Variants in FN3KRP observed in about 807,000 individuals in gnomAD.
FN3KRP encodes the protein fructosamine 3 kinase related protein.
Under a neutral mutation model 29.8 loss-of-function variants are expected in FN3KRP, and 33 were observed. The ratio of observed to expected loss-of-function variants is 1.11; its 90% confidence interval spans 0.84 to 1.48. FN3KRP has a LOEUF of 1.48. Among genes scored for constraint, FN3KRP ranks in the 40% most tolerant of loss-of-function variants. FN3KRP has a pLI of 0.00. For missense variants in FN3KRP, 430 were observed against 402.6 expected (o/e 1.07, Z -0.58); for synonymous variants, 157 against 155.2 (o/e 1.01, Z -0.09).
At chr17:82,721,024 G>A (rs1403910439) in intron 3 of FN3KRP, 1 of 152,266 alleles carries the variant, frequency 6.6e-6, no homozygotes, top group African/African-American at 2.4e-5. Context: ...AGTCTTAACG[G>A]AGTTTAGTCC....
chr17:82,726,004 C>G (rs1460601730), intron 4 of FN3KRP, among the ~76,000 whole-genome samples: 3 of 152,070 alleles, frequency 2.0e-5, no homozygotes, highest in Admixed American at 6.5e-5. Flanking sequence ...ATGGCGAAAC[C>G]CCGTCTCTAC....
rs370920900 is a variant in FN3KRP, at chr17:82,720,385, G to A, written c.385+22G>A. 828 of 1,590,776 alleles carry A rather than the reference G, an allele frequency of 5.2e-4. 11 individuals carry two copies. In the South Asian group the frequency reaches 8.2e-3, roughly 16 times the overall value. ...GTGGGTATGGCACTGCGCGGGCCAC[G>A]GGTGCTCCCGCCTAGAGGAGGACGT... On this transcript the variant is annotated intron_variant, in intron 3 of 5. Transcript: ENST00000269373.
Position 82,719,048 on chromosome 17 carries a change from A to T in FN3KRP, c.284A>T (p.His95Leu), listed in dbSNP as rs1383917340. The change falls in exon 2 of 6, where the codon CAT becomes CTT. Residue 95 changes from histidine to leucine, a missense_variant. Coordinates refer to ENST00000269373, the MANE Select transcript of FN3KRP (RefSeq NM_024619.4). ...GTGATGGAGCACATGGACATGAGGC[A>T]TCTGAGCAGGTGCATCTTCACACCA... ...VLVMEHMDMR[H>L]LSSHAAKLGA... 1 of 1,608,182 alleles carries T rather than the reference A, an allele frequency of 6.2e-7. No homozygotes were observed. The highest frequency in any genetic ancestry group is 1.4e-5 in the African/African-American group (1 of 73,380).
intron 1 of FN3KRP, among the ~76,000 whole-genome samples, chr17:82,718,237 A>G (rs979774086): frequency 3.2e-4 from 45 of 142,628 alleles, no homozygotes; most frequent in Middle Eastern, 4.2e-3. Flanking sequence ...ATGGGAGAGC[A>G]GGCAGGGCAG....
intron 1 of FN3KRP, among the ~76,000 whole-genome samples, chr17:82,718,243 G>T (rs2046773230): frequency 6.6e-6 from 1 of 152,048 alleles, no homozygotes; most frequent in Non-Finnish European, 1.5e-5. Flanking sequence ...GAGCAGGCAG[G>T]GCAGTGGTGT....
intron 3 of FN3KRP, 66 bp downstream of exon 3, chr17:82,720,429 G>C: frequency 5.2e-6 from 7 of 1,337,184 alleles, no homozygotes; most frequent in Non-Finnish European, 6.3e-6. Flanking sequence ...TGTGGGCTCA[G>C]AGCGGGGGCC....
chr17:82,719,174 G>A, intron 2 of FN3KRP, 117 bp downstream of exon 2: 1 of 1,002,210 alleles, frequency 1.0e-6, no homozygotes, highest in Admixed American at 2.4e-5. Flanking sequence ...TATCTGAGCA[G>A]GTGTGTGTTC....
chr17:82,723,496 AGTGT>A (rs34352703), intron 4 of FN3KRP, among the ~76,000 whole-genome samples: 2,428 of 151,758 alleles, frequency 0.016, 63 homozygotes, highest in African/African-American at 0.055. Context: ...CTGTACTCAC[AGTGT>A]GTGTGTGCAT....
At chr17:82,723,984 C>CAA (rs35203608) in intron 4 of FN3KRP, among the ~76,000 whole-genome samples, 12 of 149,644 alleles carry the variant, frequency 8.0e-5, no homozygotes, top group East Asian at 2.0e-4. Context: ...GCTTTAGCAG[C>CAA]AAAAAAAAAA....
chr17:82,719,449 A>G (rs2046783241), intron 2 of FN3KRP, among the ~76,000 whole-genome samples: 1 of 152,370 alleles, frequency 6.6e-6, no homozygotes, highest in Admixed American at 6.5e-5. Context: ...CCAAAGTGAG[A>G]TGCTGACCAA....
rs149116457 is a variant in FN3KRP, at chr17:82,726,520, G to C, written c.509G>C (p.Arg170Pro). Residue 170 changes from arginine (R) to proline (P), a missense_variant, in exon 5 of 6, where the codon CGG becomes CCG. By Grantham distance (103) the Arg-to-Pro change is moderately radical. Transcript: ENST00000269373. ...GAGGACTGGGTCGTGTTCTATGCCC[G>C]GCAGCGCATTCAGCCCCAGATGGAC... is the stretch of plus-strand genomic sequence containing the variant. ...WQEDWVVFYA[R>P]QRIQPQMDMV... 9 of 1,614,146 alleles carry C rather than the reference G, an allele frequency of 5.6e-6. No individual in the cohort carries two copies. Among genetic ancestry groups the C allele is most frequent in the East Asian group, 2.2e-5 (1 of 44,874 alleles).
At chr17:82,722,960 C>T in intron 4 of FN3KRP, 74 bp downstream of exon 4, 1 of 1,330,998 alleles carries the variant, frequency 7.5e-7, no homozygotes, top group East Asian at 2.4e-5. Flanking sequence ...GGGACACACC[C>T]CCCTCCTTTT....
At chr17:82,718,404 G>A (rs942715364) in intron 1 of FN3KRP, 1 of 987,934 alleles carries the variant, frequency 1.0e-6, no homozygotes. Context: ...GGTTTCCAGT[G>A]CTGGGCAGGA....
Position 82,718,338 on chromosome 17 carries a change from G to C in FN3KRP, c.142-568G>C, listed in dbSNP as rs1799882957. On this transcript the variant is annotated intron_variant, in intron 1 of 5. Coordinates refer to ENST00000269373, the MANE Select transcript of FN3KRP (RefSeq NM_024619.4). ...GTGTGGTGAGCCAGGGGGACCCAAGGGAGGAGTTGCTGTGGTCCCGGGGAG... is the reference window on the plus strand; with the variant it reads ...GTGTGGTGAGCCAGGGGGACCCAAGCGAGGAGTTGCTGTGGTCCCGGGGAG... The C allele has an allele frequency of 3.4e-6, 3 of 888,582 alleles. No homozygotes were observed. In the African/African-American group the frequency reaches 5.4e-5, roughly 16 times the overall value. 55.0% of individuals were successfully genotyped at this position (888,582 alleles called of 1,614,324 possible).
intron 3 of FN3KRP, among the ~76,000 whole-genome samples, chr17:82,721,895 C>T (rs888723382): frequency 1.0e-4 from 15 of 148,482 alleles, no homozygotes; most frequent in African/African-American, 3.0e-4. Flanking sequence ...AGTGCAGTGG[C>T]GCGATCTCAG....
intron 2 of FN3KRP, among the ~76,000 whole-genome samples, chr17:82,719,561 C>A (rs1316486299): frequency 2.6e-5 from 4 of 152,040 alleles, no homozygotes; most frequent in African/African-American, 9.7e-5. Context: ...TTGAGACCAG[C>A]CTGGCCAATA....
chr17:82,727,253 A>G lies in FN3KRP; in HGVS notation c.*82A>G. The G allele has an allele frequency of 1.6e-6, 2 of 1,232,268 alleles. No individual in the cohort carries two copies. Among genetic ancestry groups the G allele is most frequent in the Non-Finnish European group, 2.3e-6 (2 of 869,200 alleles). 76.3% of individuals were successfully genotyped at this position (1,232,268 alleles called of 1,614,324 possible). A position where few individuals can be genotyped will look rare whatever the true frequency, so the allele number is the denominator to read the frequency against. On this transcript the variant is annotated 3_prime_UTR_variant, in exon 6 of 6. Coordinates refer to ENST00000269373, the MANE Select transcript of FN3KRP (RefSeq NM_024619.4). Reference sequence around the variant, plus strand: ...AAATTCTTGTTTCTTCACATGCTGGACTAGCTTAAGACCAATGCAGTAGCT... The same window carrying G: ...AAATTCTTGTTTCTTCACATGCTGGGCTAGCTTAAGACCAATGCAGTAGCT...
intron 4 of FN3KRP, among the ~76,000 whole-genome samples, chr17:82,723,240 G>A (rs141306214): frequency 2.7e-3 from 417 of 152,310 alleles, no homozygotes; most frequent in African/African-American, 8.4e-3. Flanking sequence ...TTTCCACCTG[G>A]GGAGTTCTGC....
At chr17:82,723,419 G>A (rs1233395987) in intron 4 of FN3KRP, among the ~76,000 whole-genome samples, 9 of 152,234 alleles carry the variant, frequency 5.9e-5, no homozygotes, top group Admixed American at 4.6e-4. Context: ...GGGGAGTGGT[G>A]CCCTCTGGTC....
Sources: gnomAD v4.1 joint callset for allele counts (sites outside exome capture counted in the v4.1 genomes callset) on GRCh38, gnomAD v4.1.1 for gene constraint, MANE v1.5 for transcripts, NCBI Gene and HGNC (gene_info 2026-07-23, HGNC 2026-07-21) for gene names.